The following PRKG2 variants were observed in gnomAD, a reference collection of about 807,000 sequenced individuals.
PRKG2 encodes the protein protein kinase cGMP-dependent 2, also known as cGMP-dependent protein kinase 2.
In PRKG2, 33 loss-of-function variants were observed where a neutral mutation model predicts 97.2. That is an observed-to-expected ratio of 0.34 (90% CI 0.26 to 0.45). The LOEUF (loss-of-function observed/expected upper bound fraction) is 0.45, where lower values mean the gene tolerates loss of function less well. Ranked by LOEUF, PRKG2 falls within the 20% of genes least tolerant of loss-of-function variation. The pLI is 1.00. For missense variants in PRKG2, 638 were observed against 900.0 expected (o/e 0.71, Z 3.73); for synonymous variants, 330 against 321.8 (o/e 1.03, Z -0.27).
At chr4:81,215,371 C>G (rs143351563), upstream of PRKG2, among the ~76,000 whole-genome samples, 1 of 152,212 alleles carries the variant, frequency 6.6e-6, no homozygotes, top group Non-Finnish European at 1.5e-5. Flanking sequence ...CCTTTACTCC[C>G]GACACAGCCG....
chr4:81,103,011 A>G (rs1742954307), intron 17 of PRKG2, among the ~76,000 whole-genome samples: 1 of 152,224 alleles, frequency 6.6e-6, no homozygotes, highest in Non-Finnish European at 1.5e-5. Flanking sequence ...CTATCTACAT[A>G]TTCTTAAAAG....
chr4:81,094,159 A>G (rs1741884248), intron 17 of PRKG2, among the ~76,000 whole-genome samples: 1 of 152,198 alleles, frequency 6.6e-6, no homozygotes, highest in Non-Finnish European at 1.5e-5. Context: ...GTTGTACCCT[A>G]CAAGTATATC....
intron 17 of PRKG2, among the ~76,000 whole-genome samples, chr4:81,095,562 C>T (rs1194269589): frequency 6.6e-6 from 1 of 152,188 alleles, no homozygotes; most frequent in African/African-American, 2.4e-5. Flanking sequence ...TTACAGAGTA[C>T]TTGTTACAAT....
At chr4:81,197,420 A>C (rs1753030546) in intron 2 of PRKG2, among the ~76,000 whole-genome samples, 1 of 152,220 alleles carries the variant, frequency 6.6e-6, no homozygotes, top group African/African-American at 2.4e-5. Flanking sequence ...TTTGGAACCA[A>C]GCAGATCCAG....
intron 3 of PRKG2, chr4:81,173,931 G>A (rs976129573): frequency 2.0e-4 from 30 of 151,956 alleles, no homozygotes; most frequent in Non-Finnish European, 3.1e-4. Context: ...CTCCTTCTGG[G>A]TAAGCCAGTT....
intron 2 of PRKG2, among the ~76,000 whole-genome samples, chr4:81,184,241 G>A (rs1048482782): frequency 6.6e-6 from 1 of 152,146 alleles, no homozygotes; most frequent in African/African-American, 2.4e-5. Context: ...CCTCATACAG[G>A]AGAGCTCCAG....
rs113018600 is a variant in PRKG2, at chr4:81,200,520, G to A, written c.461+4067C>T. ...GGGCACACTGTAATAAGGCAGACTG[G>A]TGCCCAGGCTGGTCTAATCAAGGCC... is the stretch of plus-strand genomic sequence containing the variant. On this transcript the variant is annotated intron_variant, in intron 2 of 18. Coordinates refer to ENST00000264399, the MANE Select transcript of PRKG2 (RefSeq NM_006259.3). Among the ~76,000 whole-genome samples, 651 of 152,276 alleles carry A rather than the reference G, an allele frequency of 4.3e-3. 8 individuals carry two copies. Among genetic ancestry groups the A allele is most frequent in the African/African-American group, 0.015 (610 of 41,568 alleles).
intron 14 of PRKG2, among the ~76,000 whole-genome samples, chr4:81,129,352 C>G (rs1745927283): frequency 6.6e-6 from 1 of 152,032 alleles, no homozygotes. Context: ...GACAGCAATT[C>G]CTGAATATTA....
intron 14 of PRKG2, among the ~76,000 whole-genome samples, chr4:81,125,070 T>C (rs968814348): frequency 6.6e-6 from 1 of 152,218 alleles, no homozygotes; most frequent in African/African-American, 2.4e-5. Context: ...CTCTATTCTA[T>C]GTAAATTACT....
chr4:81,105,514 T>C (rs1206333744), intron 16 of PRKG2, among the ~76,000 whole-genome samples: 1 of 152,182 alleles, frequency 6.6e-6, no homozygotes, highest in Non-Finnish European at 1.5e-5. Context: ...ACTCCTTTTT[T>C]AGCCTAAGGT....
chr4:81,148,394 T>C (rs1271600214), intron 9 of PRKG2, among the ~76,000 whole-genome samples: 1 of 152,156 alleles, frequency 6.6e-6, no homozygotes, highest in Non-Finnish European at 1.5e-5. Flanking sequence ...CTAAGACATT[T>C]AGAGATTAAT....
chr4:81,179,794 C>A (rs186735936), intron 2 of PRKG2, among the ~76,000 whole-genome samples: 1 of 151,988 alleles, frequency 6.6e-6, no homozygotes, highest in Non-Finnish European at 1.5e-5. Context: ...AGGATGCATG[C>A]CATAATTTAT....
At chr4:81,186,547 A>T (rs757922988) in intron 2 of PRKG2, among the ~76,000 whole-genome samples, 4 of 152,198 alleles carry the variant, frequency 2.6e-5, no homozygotes, top group Non-Finnish European at 5.9e-5. Flanking sequence ...ACACCCTAAC[A>T]TCACAATTAA....
At chr4:81,187,425 C>T (rs1283926303) in intron 2 of PRKG2, among the ~76,000 whole-genome samples, 2 of 152,032 alleles carry the variant, frequency 1.3e-5, no homozygotes, top group African/African-American at 4.8e-5. Flanking sequence ...AAATTCAACA[C>T]CCCTATGTGC....
chr4:81,211,914 G>C (rs1328436485), intron 1 of PRKG2, among the ~76,000 whole-genome samples: 1 of 152,062 alleles, frequency 6.6e-6, no homozygotes, highest in Non-Finnish European at 1.5e-5. Flanking sequence ...GAATTATACA[G>C]ACTTCTACAG....
intron 18 of PRKG2, among the ~76,000 whole-genome samples, chr4:81,091,042 T>A (rs541582052): frequency 1.6e-4 from 24 of 152,262 alleles, no homozygotes; most frequent in African/African-American, 5.5e-4. Flanking sequence ...AAATTTTAAA[T>A]CTAAAATTCG....
intron 14 of PRKG2, among the ~76,000 whole-genome samples, chr4:81,124,564 C>T (rs1228931743): frequency 6.6e-6 from 1 of 152,140 alleles, no homozygotes; most frequent in East Asian, 1.9e-4. Flanking sequence ...AGCCAGCTGC[C>T]ATGAGTTATT....
chr4:81,213,504 T>C (rs1330420078), intron 1 of PRKG2, among the ~76,000 whole-genome samples: 1 of 152,120 alleles, frequency 6.6e-6, no homozygotes, highest in Non-Finnish European at 1.5e-5. Context: ...AGAAAAGTGC[T>C]GAATCTGATT....
intron 12 of PRKG2, among the ~76,000 whole-genome samples, chr4:81,138,691 A>G (rs1407635617): frequency 2.0e-5 from 3 of 151,760 alleles, no homozygotes; most frequent in Non-Finnish European, 4.4e-5. Flanking sequence ...AAATGTTGTC[A>G]TTAATATTTA....
Sources: gnomAD v4.1 joint callset for allele counts (sites outside exome capture counted in the v4.1 genomes callset) on GRCh38, gnomAD v4.1.1 for gene constraint, MANE v1.5 for transcripts, NCBI Gene and HGNC (gene_info 2026-07-23, HGNC 2026-07-21) for gene names.